The following GLCCI1 variants were observed in gnomAD, a reference collection of about 807,000 sequenced individuals.
GLCCI1 encodes glucocorticoid induced 1.
GLCCI1 carries 24 observed loss-of-function variants against 52.2 expected under a neutral mutation model. The ratio of observed to expected loss-of-function variants is 0.46; its 90% CI spans 0.33 to 0.65. The LOEUF is 0.65. GLCCI1 is among the 30% of genes least tolerant of loss of function. GLCCI1 has a pLI of 0.02. For missense variants in GLCCI1, 704 were observed against 701.5 expected (o/e 1.00, Z -0.04); for synonymous variants, 310 against 276.5 (o/e 1.12, Z -1.20).
chr7:8,005,244 A>G (rs915935064), intron 2 of GLCCI1, among the ~76,000 whole-genome samples: 7 of 152,226 alleles, frequency 4.6e-5, no homozygotes, highest in African/African-American at 1.7e-4. Context: ...TAGGTATAGA[A>G]AATAAAATTT....
chr7:8,032,332 A>T (rs915502557), intron 3 of GLCCI1, among the ~76,000 whole-genome samples: 1 of 152,048 alleles, frequency 6.6e-6, no homozygotes, highest in Non-Finnish European at 1.5e-5. Flanking sequence ...CATTAATTAC[A>T]TAAGTTTCCA....
At chr7:8,005,920 T>C (rs1348363846) in intron 2 of GLCCI1, among the ~76,000 whole-genome samples, 1 of 152,144 alleles carries the variant, frequency 6.6e-6, no homozygotes, top group Non-Finnish European at 1.5e-5. Context: ...TGCCTCAGCT[T>C]CCTGAGTAGC....
At position 8,076,511 on chromosome 7, in the gene GLCCI1, A is replaced by G. The variant is rs190937548; in HGVS notation, c.1177+5380A>G. 5.1e-4 allele frequency among the ~76,000 whole-genome samples: 78 copies of G among 152,330 alleles called. No individual in the cohort carries two copies. The East Asian group carries it at 0.011, about 21-fold the overall frequency. On this transcript the variant is annotated intron_variant, in intron 6 of 7. Transcript: ENST00000223145. Reference sequence around the variant, plus strand: ...TACATACATTCCAGTGTCTAACAGCACAAAATAAGTATCCAGTAAATGCTA... The same window carrying G: ...TACATACATTCCAGTGTCTAACAGCGCAAAATAAGTATCCAGTAAATGCTA...
Position 7,969,402 on chromosome 7 carries a change from C to A in GLCCI1, c.52C>A (p.Pro18Thr), listed in dbSNP as rs750171390. The A allele has an allele frequency of 2.1e-6, 3 of 1,426,912 alleles. No individual in the cohort carries two copies. The highest frequency in any genetic ancestry group is 1.8e-6 in the Non-Finnish European group (2 of 1,086,792). The allele number at this position is 1,426,912 out of a possible 1,614,324, so 88.4% of individuals were successfully genotyped here. A position where few individuals can be genotyped will look rare whatever the true frequency, so the allele number is the denominator to read the frequency against. The change falls in exon 1 of 8, where the codon CCC (proline) becomes ACC (threonine). Residue 18 changes from proline to threonine, a missense_variant. Pro to Thr is a conservative substitution (Grantham distance 38). This residue lies in a region of GLCCI1 where 547 missense variants were observed against 524.8 expected (regional missense o/e 1.04). Coordinates refer to ENST00000223145, the MANE Select transcript of GLCCI1 (RefSeq NM_138426.4). This position sits in a 1 kb window ranked among gnomAD's most constrained non-coding sequence, Gnocchi z 4.9. Reference protein sequence around the residue: ...SSSSSSQTPHPPSQRMRRSAA... With the variant: ...SSSSSSQTPHTPSQRMRRSAA... ...CTCCAGTTCCTCTCAGACCCCTCATCCCCCGTCGCAGAGGATGAGGCGCAG... is the reference window on the plus strand; with the variant it reads ...CTCCAGTTCCTCTCAGACCCCTCATACCCCGTCGCAGAGGATGAGGCGCAG...
chr7:7,970,437 C>T lies in GLCCI1; in HGVS notation c.457+630C>T, dbSNP rs1275617856. The T allele has an allele frequency of 2.6e-5, 4 of 151,516 alleles. No individual in the cohort carries two copies. In the South Asian group the frequency reaches 6.3e-4, roughly 24 times the overall value. 9.4% of individuals were successfully genotyped at this position (151,516 alleles called of 1,614,324 possible). The stretch of plus-strand genomic sequence containing the variant: ...CTCTCCCTCTCTTTCTCCCCCTCCC[C>T]TTTATATATTCATGCATCAGAGCAC... On this transcript the variant is annotated intron_variant, in intron 1 of 7. Coordinates refer to ENST00000223145, the MANE Select transcript of GLCCI1 (RefSeq NM_138426.4).
chr7:8,000,371 A>G (rs1203986673), intron 1 of GLCCI1, among the ~76,000 whole-genome samples: 1 of 152,202 alleles, frequency 6.6e-6, no homozygotes, highest in Non-Finnish European at 1.5e-5. Context: ...GAAACAGTTT[A>G]TGTATCTTCA....
chr7:7,976,512 G>GAAAAAAAA (rs1780475490), intron 1 of GLCCI1, among the ~76,000 whole-genome samples: 1 of 126,580 alleles, frequency 7.9e-6, no homozygotes, highest in Non-Finnish European at 1.6e-5. Flanking sequence ...AAGGAAAAAG[G>GAAAAAAAA]AAAGGAGAAA....
chr7:8,067,618 C>A (rs1782659840), intron 5 of GLCCI1, among the ~76,000 whole-genome samples: 1 of 152,124 alleles, frequency 6.6e-6, no homozygotes, highest in African/African-American at 2.4e-5. Flanking sequence ...TCTTATTTGT[C>A]CTGTGCTTAT....
intron 1 of GLCCI1, among the ~76,000 whole-genome samples, chr7:7,998,506 G>A (rs916988849): frequency 7.9e-5 from 12 of 152,146 alleles, no homozygotes; most frequent in Admixed American, 5.9e-4. Context: ...GTGAGCCACC[G>A]TGCAGGCTCA....
chr7:7,983,301 T>G (rs1212574644), intron 1 of GLCCI1, among the ~76,000 whole-genome samples: 1 of 152,148 alleles, frequency 6.6e-6, no homozygotes, highest in Non-Finnish European at 1.5e-5. Flanking sequence ...AATTAATATT[T>G]GTTTTGTTCA....
intron 6 of GLCCI1, among the ~76,000 whole-genome samples, chr7:8,074,712 A>G (rs1358110432): frequency 5.3e-5 from 8 of 152,168 alleles, no homozygotes; most frequent in African/African-American, 1.7e-4. Flanking sequence ...TCTTTCCTAT[A>G]ATGTATGTTT....
intron 5 of GLCCI1, among the ~76,000 whole-genome samples, chr7:8,065,102 T>C (rs989754453): frequency 2.0e-5 from 3 of 152,206 alleles, no homozygotes; most frequent in Non-Finnish European, 2.9e-5. Flanking sequence ...CTAATTTCAT[T>C]GAGCAGTGGT....
intron 5 of GLCCI1, among the ~76,000 whole-genome samples, chr7:8,062,564 A>G (rs1782542082): frequency 6.6e-6 from 1 of 152,214 alleles, no homozygotes; most frequent in Non-Finnish European, 1.5e-5. Context: ...TTCACCACCC[A>G]GGTAATAAGC....
intron 3 of GLCCI1, among the ~76,000 whole-genome samples, chr7:8,037,007 C>A (rs1319552301): frequency 2.0e-5 from 3 of 152,132 alleles, no homozygotes; most frequent in Non-Finnish European, 4.4e-5. Flanking sequence ...ATAATTCTCT[C>A]ATCTTACTAG....
intron 3 of GLCCI1, among the ~76,000 whole-genome samples, chr7:8,023,468 C>G (rs1324550178): frequency 9.2e-5 from 14 of 151,636 alleles, no homozygotes; most frequent in Admixed American, 9.2e-4. Context: ...ATACTTTTAT[C>G]CATCTAAATT....
At chr7:7,979,613 A>AGCCTAGGATGATGTC (rs1205513366) in intron 1 of GLCCI1, among the ~76,000 whole-genome samples, 1 of 152,194 alleles carries the variant, frequency 6.6e-6, no homozygotes, top group Non-Finnish European at 1.5e-5. Context: ...ACTATAGTTT[A>AGCCTAGGATGATGTC]GCCTAGGATG....
chr7:7,976,212 C>T (rs895953136), intron 1 of GLCCI1, among the ~76,000 whole-genome samples: 1 of 152,114 alleles, frequency 6.6e-6, no homozygotes, highest in Admixed American at 6.5e-5. Flanking sequence ...GGCGCAGTGG[C>T]TCATGCCTGT....
In GLCCI1 at chr7:8,002,107, G is replaced by GA. The variant is rs200168494; in HGVS notation, c.458-1793dup. On this transcript the variant is annotated intron_variant, in intron 1 of 7. Coordinates refer to ENST00000223145, the MANE Select transcript of GLCCI1 (RefSeq NM_138426.4). The stretch of plus-strand genomic sequence containing the variant: ...ACTTAAAGTATACTTTTAAAAAAAG[G>GA]AAAAAAAAGGAATCTATATGTGCTA... Among the ~76,000 whole-genome samples, 37 of 149,794 alleles carry GA rather than the reference G, an allele frequency of 2.5e-4. 1 individual carries two copies. Among genetic ancestry groups the GA allele is most frequent in the African/African-American group, 6.4e-4 (26 of 40,662 alleles).
intron 4 of GLCCI1, among the ~76,000 whole-genome samples, chr7:8,056,413 C>T (rs1250308707): frequency 1.3e-5 from 2 of 152,210 alleles, no homozygotes; most frequent in African/African-American, 2.4e-5. Context: ...TGCACATTAT[C>T]TCATTTAATC....
Sources: allele counts gnomAD v4.1 joint callset (sites outside exome capture counted in the v4.1 genomes callset), GRCh38; gene constraint gnomAD v4.1.1; regional missense constraint gnomAD v4.1.1; non-coding constraint Gnocchi (gnomAD v3.1); transcripts MANE v1.5; gene names NCBI Gene and HGNC (gene_info 2026-07-23, HGNC 2026-07-21).